The following NEDD4 variants were observed in gnomAD, a reference collection of about 807,000 sequenced individuals.
The protein encoded by NEDD4 is E3 ubiquitin-protein ligase NEDD4.
NEDD4 carries 99 observed loss-of-function variants against 144.9 expected under a neutral mutation model. The observed-to-expected ratio is 0.68, with a 90% confidence interval of 0.58 to 0.81. NEDD4 has a LOEUF of 0.81. NEDD4 is among the 30% of genes least tolerant of loss of function. The pLI is 0.00. For missense variants in NEDD4, 985 were observed against 1,065.9 expected (o/e 0.92, Z 1.06); for synonymous variants, 318 against 350.6 (o/e 0.91, Z 1.04).
chr15:55,850,799 T>G, intron 13 of NEDD4, 57 bp from the exon 14 acceptor site: 1 of 1,490,998 alleles, frequency 6.7e-7, no homozygotes, highest in Non-Finnish European at 9.0e-7. Flanking sequence ...CACAAATAGA[T>G]GTAGTTAAAA....
intron 1 of NEDD4, among the ~76,000 whole-genome samples, chr15:55,967,527 G>T (rs1430971717): frequency 2.0e-5 from 3 of 149,242 alleles, no homozygotes; most frequent in South Asian, 2.1e-4. Flanking sequence ...CCAATTTGTG[G>T]ATCTAGTTCT....
intron 1 of NEDD4, among the ~76,000 whole-genome samples, chr15:55,983,307 C>T (rs575643015): frequency 4.1e-5 from 6 of 145,240 alleles, no homozygotes; most frequent in Non-Finnish European, 7.9e-5. Context: ...TGTGCGTGCG[C>T]GCGCGTGCGT....
At chr15:55,845,479 G>A (rs1470435560) in intron 18 of NEDD4, among the ~76,000 whole-genome samples, 2 of 152,016 alleles carry the variant, frequency 1.3e-5, no homozygotes, top group Non-Finnish European at 2.9e-5. Flanking sequence ...TAAGAAGAAC[G>A]CCTGGTATGC....
chr15:55,874,085 C>A, intron 5 of NEDD4, 77 bp from the exon 6 acceptor site: 1 of 778,920 alleles, frequency 1.3e-6, no homozygotes, highest in Non-Finnish European at 2.1e-6. Context: ...ATAGTGCCAC[C>A]ATTCACAGAA....
intron 13 of NEDD4, among the ~76,000 whole-genome samples, chr15:55,851,658 G>A (rs1483703887): frequency 2.0e-5 from 3 of 151,766 alleles, no homozygotes; most frequent in African/African-American, 7.3e-5. Context: ...TGTATTTTTG[G>A]TAGAGATGGG....
intron 2 of NEDD4, among the ~76,000 whole-genome samples, chr15:55,963,237 T>C (rs1380833621): frequency 1.3e-5 from 2 of 151,084 alleles, no homozygotes; most frequent in African/African-American, 4.9e-5. Context: ...GCTCCAGCGA[T>C]CCTCCAACCT....
At chr15:55,953,021 G>A (rs1401284910) in intron 2 of NEDD4, among the ~76,000 whole-genome samples, 1 of 147,104 alleles carries the variant, frequency 6.8e-6, no homozygotes. Context: ...ACAGAGTCTT[G>A]CTCTGTTGCC....
intron 1 of NEDD4, among the ~76,000 whole-genome samples, chr15:55,970,006 C>T (rs556621493): frequency 6.6e-6 from 1 of 152,238 alleles, no homozygotes; most frequent in East Asian, 1.9e-4. Context: ...ATTTCTAGAC[C>T]CACTCTGGGC....
At chr15:55,971,010 T>C (rs2037599347) in intron 1 of NEDD4, among the ~76,000 whole-genome samples, 1 of 152,140 alleles carries the variant, frequency 6.6e-6, no homozygotes, top group Admixed American at 6.6e-5. Flanking sequence ...AAAATAGCTG[T>C]TTTGAGGAAG....
At chr15:55,912,969 T>C (rs1432632108) in intron 5 of NEDD4, among the ~76,000 whole-genome samples, 2 of 152,104 alleles carry the variant, frequency 1.3e-5, no homozygotes, top group Non-Finnish European at 2.9e-5. Flanking sequence ...GTGTCCCAGA[T>C]ACAGGTAAAA....
rs768434224 is a variant in NEDD4 at position 55,915,960 on chromosome 15, C to T, written c.291+8686G>A. The T allele has an allele frequency of 1.1e-5, 17 of 1,613,666 alleles. No individual in the cohort carries two copies. The South Asian group carries it at 1.8e-4, about 17-fold the overall frequency. On this transcript the variant is annotated intron_variant, in intron 5 of 28. Coordinates refer to ENST00000435532, the MANE Select transcript of NEDD4 (RefSeq NM_006154.4). ...AAACTGGTGTGAAGTTTGATAGGAT[C>T]CTTTGCTCAGAAGAGTACACAGACT...
At chr15:55,911,080 T>A (rs201829007) in intron 5 of NEDD4, among the ~76,000 whole-genome samples, 1 of 122,608 alleles carries the variant, frequency 8.2e-6, no homozygotes, top group East Asian at 2.6e-4. Context: ...CTATTTACAG[T>A]GGAGATTCTT....
chr15:55,914,259 AG>A (rs1346410983), intron 5 of NEDD4, among the ~76,000 whole-genome samples: 1 of 151,754 alleles, frequency 6.6e-6, no homozygotes, highest in Non-Finnish European at 1.5e-5. Context: ...ACACAGATTA[AG>A]GTTTTTTCCC....
chr15:55,915,576 G>A, intron 5 of NEDD4: 1 of 1,613,962 alleles, frequency 6.2e-7, no homozygotes, highest in South Asian at 1.1e-5. Flanking sequence ...ACATGCAGAT[G>A]TCCTATGCAT....
chr15:55,849,254 C>T (rs931667706), intron 14 of NEDD4, among the ~76,000 whole-genome samples: 1 of 151,940 alleles, frequency 6.6e-6, no homozygotes, highest in South Asian at 2.1e-4. Context: ...GGTGGAGTGT[C>T]GCTCTTGTCG....
At position 55,840,670 on chromosome 15, in the gene NEDD4, G is replaced by C; in HGVS notation, c.1896C>G (p.Leu632=). ...CCCGACCAATAAACTTGAAGTAAGA[G>C]AGGTGATCTTCGTTACACAATCCAG... ...PNSGLCNEDH[L]SYFKFIGRVA... is the part of the protein sequence containing the mutation. Residue 632 remains leucine (L), a synonymous_variant, in exon 20 of 29, where the codon CTC becomes CTG. Transcript: ENST00000435532. The C allele has an allele frequency of 1.6e-5, 26 of 1,614,056 alleles. No homozygotes were observed. The highest frequency in any genetic ancestry group is 2.1e-5 in the Non-Finnish European group (25 of 1,179,986).
chr15:55,984,196 T>C (rs2037853233), intron 1 of NEDD4, among the ~76,000 whole-genome samples: 2 of 152,328 alleles, frequency 1.3e-5, no homozygotes, highest in South Asian at 2.1e-4. Context: ...CAAGTTAATT[T>C]TGCACACATT....
At chr15:55,878,206 A>T (rs1341420796) in intron 5 of NEDD4, among the ~76,000 whole-genome samples, 3 of 152,156 alleles carry the variant, frequency 2.0e-5, no homozygotes, top group Non-Finnish European at 2.9e-5. Flanking sequence ...CTATAATAAT[A>T]TCAGACAAAT....
chr15:55,880,963 ACATTT>A (rs1323870555), intron 5 of NEDD4, among the ~76,000 whole-genome samples: 1 of 152,158 alleles, frequency 6.6e-6, no homozygotes, highest in Non-Finnish European at 1.5e-5. Flanking sequence ...CAGTGTGTGG[ACATTT>A]CAAACAGGTA....
Sources: allele counts gnomAD v4.1 joint callset (sites outside exome capture counted in the v4.1 genomes callset), GRCh38; gene constraint gnomAD v4.1.1; transcripts MANE v1.5; gene names NCBI Gene and HGNC (gene_info 2026-07-23, HGNC 2026-07-21).